PTPRS: variants seen among roughly 807,000 people sequenced by gnomAD.
The protein encoded by PTPRS is protein tyrosine phosphatase receptor type S, also known as receptor-type tyrosine-protein phosphatase S.
Under a neutral mutation model 215.3 loss-of-function variants are expected in PTPRS, and 63 were observed. The observed-to-expected ratio is 0.29, with a 90% CI of 0.24 to 0.36. The LOEUF (loss-of-function observed/expected upper bound fraction) is 0.36, where lower values mean the gene tolerates loss of function less well. Ranked by LOEUF, PTPRS falls within the 10% of genes least tolerant of loss-of-function variation. PTPRS has a pLI of 1.00. For synonymous variants in PTPRS, 1,404 were observed against 1,191.4 expected (o/e 1.18, Z -3.68); for missense variants, 2,258 against 2,825.8 (o/e 0.80, Z 4.56).
rs1297002706 is a variant in PTPRS at position 5,237,890 on chromosome 19, C to A, written c.1849+1029G>T. 6.6e-6 allele frequency among the ~76,000 whole-genome samples: 1 copy of A among 152,138 alleles called. No homozygotes were observed. The highest frequency in any genetic ancestry group is 2.4e-5 in the African/African-American group (1 of 41,440). ...TTGTGTCTCCGAGGCGCCCCACCCC[C>A]CCGATCCCAGCGGCTCAGATGCCCC... On this transcript the variant is annotated intron_variant, in intron 13 of 37. Coordinates refer to ENST00000262963, the MANE Select transcript of PTPRS (RefSeq NM_002850.4). The surrounding 1 kb of genome is among the most constrained non-coding windows in gnomAD (Gnocchi z 4.2).
At position 5,310,360 on chromosome 19, in the gene PTPRS, C is replaced by A. The variant is rs916020734; in HGVS notation, c.-94-24126G>T. On this transcript the variant is annotated intron_variant, in intron 1 of 37. Transcript: ENST00000262963. ...TGAGATGGAGTCTTACTCTATCACC[C>A]AGGCTGGACTGCAGTGGCGCAATCT... Among the ~76,000 whole-genome samples, 21 of 150,044 alleles carry A rather than the reference C, an allele frequency of 1.4e-4. No homozygotes were observed. The South Asian group carries it at 2.7e-3, about 20-fold the overall frequency.
At chr19:5,261,937 G>T (rs2046027164) in intron 6 of PTPRS, among the ~76,000 whole-genome samples, 1 of 152,212 alleles carries the variant, frequency 6.6e-6, no homozygotes, top group Admixed American at 6.5e-5. Context: ...GCTGGCCTTT[G>T]CTAGGACACT....
rs112290142 is a variant in PTPRS at position 5,257,330 on chromosome 19, G to A, written c.706+687C>T. The A allele has an allele frequency of 0.24, 105,412 of 430,454 alleles. 15,334 individuals are homozygous for A. The highest frequency in any genetic ancestry group is 0.32 in the Non-Finnish European group (68,267 of 210,132). 26.7% of individuals were successfully genotyped at this position (430,454 alleles called of 1,614,324 possible). On this transcript the variant is annotated intron_variant, in intron 8 of 37. Coordinates refer to ENST00000262963, the MANE Select transcript of PTPRS (RefSeq NM_002850.4). This position sits in a 1 kb window ranked among gnomAD's most constrained non-coding sequence, Gnocchi z 4.4. ...TTGGAAACTGAGAGTAACAAGCTTC[G>A]CTGGGTGCCGTGCCTGCCCCAGCTC...
chr19:5,270,411 C>T (rs1042437584), intron 4 of PTPRS, among the ~76,000 whole-genome samples: 1 of 151,872 alleles, frequency 6.6e-6, no homozygotes, highest in African/African-American at 2.4e-5. Context: ...CTGCCTCAGC[C>T]TCCTAAGTAC....
At chr19:5,270,582 T>C (rs972203424) in intron 4 of PTPRS, among the ~76,000 whole-genome samples, 1 of 152,162 alleles carries the variant, frequency 6.6e-6, no homozygotes, top group Non-Finnish European at 1.5e-5. Context: ...AGTGTTGGCA[T>C]TACAGGTGTG....
chr19:5,216,564 C>T, intron 26 of PTPRS, among the ~76,000 whole-genome samples, 156 bp downstream of exon 26: 1 of 152,156 alleles, frequency 6.6e-6, no homozygotes, highest in East Asian at 1.9e-4. Flanking sequence ...ATGGACCAAC[C>T]CCCTGCCCTC....
In PTPRS at chr19:5,339,409, G is replaced by A. The variant is rs1487303302; in HGVS notation, c.-95+1255C>T. On this transcript the variant is annotated intron_variant, in intron 1 of 37. Transcript: ENST00000262963. This position sits in a 1 kb window ranked among gnomAD's most constrained non-coding sequence, Gnocchi z 4.2. ...GGAAAGAGGGTCAACCGAAGAAGGAGGTCCCAGATTTGGGGCGGGGGGTGT... is the reference window on the plus strand; with the variant it reads ...GGAAAGAGGGTCAACCGAAGAAGGAAGTCCCAGATTTGGGGCGGGGGGTGT... Among the ~76,000 whole-genome samples, 2 of 151,930 alleles carry A rather than the reference G, an allele frequency of 1.3e-5. No individual in the cohort carries two copies. The highest frequency in any genetic ancestry group is 2.9e-5 in the Non-Finnish European group (2 of 67,992).
In PTPRS at chr19:5,246,052, A is replaced by AG. The variant is rs1323876561; in HGVS notation, c.719-8dup. The AG allele has an allele frequency of 2.8e-6, 3 of 1,056,070 alleles. No individual in the cohort carries two copies. In the African/African-American group the frequency reaches 7.3e-5, roughly 26 times the overall value. 65.4% of individuals were successfully genotyped at this position (1,056,070 alleles called of 1,614,324 possible). A position where few individuals can be genotyped will look rare whatever the true frequency, so the allele number is the denominator to read the frequency against. On this transcript the variant is annotated splice_polypyrimidine_tract_variant and splice_region_variant and intron_variant, in intron 9 of 37. Transcript: ENST00000262963. Reference sequence around the variant, plus strand: ...CGCGGGGCCACGCGGCGGACTGGGGAGGGGGCGGCAGTGGCGGCGGGAGGG... The same window carrying AG: ...CGCGGGGCCACGCGGCGGACTGGGGAGGGGGGCGGCAGTGGCGGCGGGAGGG...
intron 1 of PTPRS, among the ~76,000 whole-genome samples, chr19:5,326,548 C>T (rs984345759): frequency 2.0e-5 from 3 of 151,406 alleles, no homozygotes; most frequent in Non-Finnish European, 2.9e-5. Context: ...TGGCTGGGCA[C>T]GGTGGCTCGT....
chr19:5,220,224 C>G, intron 21 of PTPRS, 36 bp downstream of exon 21: 1 of 1,610,188 alleles, frequency 6.2e-7, no homozygotes, highest in Non-Finnish European at 8.5e-7. Context: ...AACTGGAATG[C>G]ATCTGGGCCC....
intron 1 of PTPRS, among the ~76,000 whole-genome samples, chr19:5,330,954 A>G (rs1424400776): frequency 6.6e-6 from 1 of 151,882 alleles, no homozygotes; most frequent in Non-Finnish European, 1.5e-5. Flanking sequence ...TCCAATAATC[A>G]ATGGGGCAGT....
At chr19:5,235,066 G>A (rs921860083) in intron 13 of PTPRS, among the ~76,000 whole-genome samples, 3 of 150,432 alleles carry the variant, frequency 2.0e-5, no homozygotes, top group East Asian at 2.0e-4. Context: ...TCAGCCTCCC[G>A]AGTAGCTGGG....
At chr19:5,322,495 G>A (rs533374624) in intron 1 of PTPRS, among the ~76,000 whole-genome samples, 3 of 152,116 alleles carry the variant, frequency 2.0e-5, no homozygotes, top group South Asian at 4.2e-4. Context: ...ACTCGAGCCC[G>A]CCCCGACTGG....
chr19:5,298,982 C>T (rs2049224208), intron 1 of PTPRS, among the ~76,000 whole-genome samples: 1 of 152,180 alleles, frequency 6.6e-6, no homozygotes, highest in Non-Finnish European at 1.5e-5. Context: ...TTTCTACTCA[C>T]TTTGTCCATC....
chr19:5,206,629 C>G lies in PTPRS; in HGVS notation c.*145G>C. On this transcript the variant is annotated 3_prime_UTR_variant, in exon 38 of 38. Coordinates refer to ENST00000262963, the MANE Select transcript of PTPRS (RefSeq NM_002850.4). The stretch of plus-strand genomic sequence containing the variant: ...GGTGGGGGGGCTCGAGGGGCTGCGT[C>G]GTCCTCGGAAATGGTGCAGAAACAC... The G allele has an allele frequency of 2.9e-6, 2 of 683,480 alleles. No homozygotes were observed. Among genetic ancestry groups the G allele is most frequent in the South Asian group, 3.7e-5 (2 of 54,604 alleles). The allele number at this position is 683,480 out of a possible 1,614,324, so 42.3% of individuals were successfully genotyped here. A position where few individuals can be genotyped will look rare whatever the true frequency, so the allele number is the denominator to read the frequency against.
rs1375003459 is a variant in PTPRS, at chr19:5,293,078, AAG to A, written c.-94-6846_-94-6845del. 3 of 151,528 alleles carry A rather than the reference AAG, an allele frequency of 2.0e-5. No individual in the cohort carries two copies. Among genetic ancestry groups the A allele is most frequent in the Admixed American group, 6.6e-5 (1 of 15,252 alleles). 9.4% of individuals were successfully genotyped at this position (151,528 alleles called of 1,614,324 possible). On this transcript the variant is annotated intron_variant, in intron 1 of 37. Transcript: ENST00000262963. The surrounding 1 kb of genome is among the most constrained non-coding windows in gnomAD (Gnocchi z 8.4). ...CCTCGGAGCCTGGAGGGGGCGCGACAAGAGAGACAAAGCCCGGGGCGGCCCGG... is the reference window on the plus strand; with the variant it reads ...CCTCGGAGCCTGGAGGGGGCGCGACAAGAGACAAAGCCCGGGGCGGCCCGG...
intron 1 of PTPRS, among the ~76,000 whole-genome samples, chr19:5,296,013 C>T (rs1339078015): frequency 1.3e-5 from 2 of 152,098 alleles, no homozygotes; most frequent in Non-Finnish European, 1.5e-5. Flanking sequence ...GCCTCAGCCT[C>T]CCAAAGTGCT....
intron 1 of PTPRS, among the ~76,000 whole-genome samples, chr19:5,296,931 G>A (rs1238189896): frequency 6.6e-6 from 1 of 152,104 alleles, no homozygotes; most frequent in Non-Finnish European, 1.5e-5. Context: ...ACTGGGTAGA[G>A]GATGAGGGAG....
At chr19:5,273,774 C>G (rs187344210) in intron 3 of PTPRS, among the ~76,000 whole-genome samples, 191 bp from the exon 4 acceptor site, 2 of 152,158 alleles carry the variant, frequency 1.3e-5, no homozygotes, top group East Asian at 3.9e-4. Context: ...CAGACAGGGA[C>G]CAGATTTGGG....
Sources: allele counts gnomAD v4.1 joint callset (sites outside exome capture counted in the v4.1 genomes callset), GRCh38; gene constraint gnomAD v4.1.1; non-coding constraint Gnocchi (gnomAD v3.1); transcripts MANE v1.5; gene names NCBI Gene and HGNC (gene_info 2026-07-23, HGNC 2026-07-21).